The following CNGB1 variants were observed in gnomAD, a reference collection of about 807,000 sequenced individuals.
The protein encoded by CNGB1 is cyclic nucleotide-gated channel beta-1.
In CNGB1, 126 loss-of-function variants were observed where a neutral mutation model predicts 151.7. The ratio of observed to expected loss-of-function variants is 0.83; its 90% confidence interval spans 0.72 to 0.96. The LOEUF (loss-of-function observed/expected upper bound fraction) is 0.96. Ranked by LOEUF, CNGB1 falls within the 40% of genes least tolerant of loss-of-function variation. The pLI is 0.00. For synonymous variants in CNGB1, 623 were observed against 635.1 expected, an observed-to-expected ratio of 0.98 and a Z score of 0.29; for missense variants, 1,698 against 1,627.0, an observed-to-expected ratio of 1.04 and a Z score of -0.75.
chr16:57,965,814 T>C (rs567722813), intron 2 of CNGB1, among the ~76,000 whole-genome samples: 6 of 152,170 alleles, frequency 3.9e-5, no homozygotes, highest in African/African-American at 1.4e-4. Flanking sequence ...CATAAACATA[T>C]GTGCAAACAC....
chr16:57,960,673 C>G (rs1597013607), intron 8 of CNGB1, 143 bp from the exon 9 acceptor site: 2 of 1,297,204 alleles, frequency 1.5e-6, no homozygotes, highest in East Asian at 5.0e-5. Flanking sequence ...AATCCCGGCC[C>G]CCTCTCACAG....
intron 14 of CNGB1, among the ~76,000 whole-genome samples, chr16:57,941,348 T>C (rs1961662682): frequency 6.6e-6 from 1 of 152,152 alleles, no homozygotes; most frequent in African/African-American, 2.4e-5. Context: ...GAAACTTGAA[T>C]GCATCATTCT....
At chr16:57,895,563 A>G (rs1194061395) in intron 31 of CNGB1, among the ~76,000 whole-genome samples, 1 of 148,822 alleles carries the variant, frequency 6.7e-6, no homozygotes, top group Non-Finnish European at 1.5e-5. Flanking sequence ...ATATATATAT[A>G]TATATTTGTA....
chr16:57,919,209 G>C lies in CNGB1; in HGVS notation c.1847C>G (p.Ala616Gly). The change falls in exon 20 of 33, where the codon GCT (alanine) becomes GGT (glycine). Residue 616 changes from alanine to glycine, a missense_variant. Physicochemically the swap from Ala to Gly is moderately conservative, Grantham distance 60. Coordinates refer to ENST00000251102, the MANE Select transcript of CNGB1 (RefSeq NM_001297.5). The part of the protein sequence containing the change: ...APEPAPDTKP[A>G]EAEPVEEEHY... ...CTCCTCTTCCACTGGCTCGGCTTCAGCGGGCTTTGTGTCTGGAGCTGGCTC... is the reference window on the plus strand; with the variant it reads ...CTCCTCTTCCACTGGCTCGGCTTCACCGGGCTTTGTGTCTGGAGCTGGCTC... 1 of 1,614,244 alleles carries C rather than the reference G, an allele frequency of 6.2e-7. No homozygotes were observed. Among genetic ancestry groups the C allele is most frequent in the Non-Finnish European group, 8.5e-7 (1 of 1,180,048 alleles).
intron 29 of CNGB1, among the ~76,000 whole-genome samples, chr16:57,899,674 G>A (rs1385383048): frequency 6.6e-6 from 1 of 151,376 alleles, no homozygotes; most frequent in Non-Finnish European, 1.5e-5. Context: ...AAATAAATAA[G>A]GGGTGGGGGG....
chr16:57,902,069 G>T (rs1486139937), intron 27 of CNGB1, among the ~76,000 whole-genome samples: 1 of 148,428 alleles, frequency 6.7e-6, no homozygotes, highest in Admixed American at 6.6e-5. Flanking sequence ...TTATGTTTTT[G>T]TTGTTGTTGT....
At chr16:57,961,315 T>C (rs1962250474) in intron 7 of CNGB1, among the ~76,000 whole-genome samples, 1 of 152,224 alleles carries the variant, frequency 6.6e-6, no homozygotes, top group East Asian at 1.9e-4. Context: ...TACTCTGCTG[T>C]CACAGTCTGA....
intron 1 of CNGB1, among the ~76,000 whole-genome samples, chr16:57,968,927 A>G (rs915286655): frequency 5.3e-5 from 8 of 151,220 alleles, no homozygotes; most frequent in African/African-American, 1.9e-4. Context: ...GCTACTCAGG[A>G]GGCTGAGGCA....
intron 16 of CNGB1, among the ~76,000 whole-genome samples, chr16:57,933,477 G>A (rs1961413030): frequency 6.6e-6 from 1 of 151,990 alleles, no homozygotes; most frequent in Admixed American, 6.5e-5. Flanking sequence ...CCCTACCTTG[G>A]GCTCCATCAC....
chr16:57,944,951 TAAAAAAAAA>T (rs367717137), intron 14 of CNGB1, among the ~76,000 whole-genome samples: 2 of 104,380 alleles, frequency 1.9e-5, no homozygotes, highest in South Asian at 6.0e-4. Flanking sequence ...ACTCTGTCTT[TAAAAAAAAA>T]AAAAAAAAAA....
intron 17 of CNGB1, among the ~76,000 whole-genome samples, chr16:57,928,642 C>T (rs1961257947): frequency 1.3e-5 from 2 of 150,576 alleles, no homozygotes; most frequent in Admixed American, 1.3e-4. Context: ...TATCTATTAT[C>T]TTTTTTTTTT....
intron 12 of CNGB1, among the ~76,000 whole-genome samples, chr16:57,951,547 G>A (rs1961948496): frequency 6.6e-6 from 1 of 152,170 alleles, no homozygotes; most frequent in South Asian, 2.1e-4. Context: ...TTAAATGGAA[G>A]CCGGCCTCAA....
At chr16:57,923,121 T>C in intron 18 of CNGB1, 152 bp downstream of exon 18, 1 of 557,050 alleles carries the variant, frequency 1.8e-6, no homozygotes, top group Non-Finnish European at 3.2e-6. Flanking sequence ...AGAAGCAGCC[T>C]GGGCAGGCGA....
Position 57,931,740 on chromosome 16 carries a change from G to A in CNGB1, c.1511C>T (p.Pro504Leu). 6.2e-7 allele frequency: 1 copy of A among 1,614,158 alleles called. No homozygotes were observed. Among genetic ancestry groups the A allele is most frequent in the Non-Finnish European group, 8.5e-7 (1 of 1,180,034 alleles). The change falls in exon 17 of 33, where the codon CCA becomes CTA. Residue 504 changes from proline (P) to leucine (L), a missense_variant. Pro to Leu is a moderately conservative substitution (Grantham distance 98). Coordinates refer to ENST00000251102, the MANE Select transcript of CNGB1 (RefSeq NM_001297.5). Reference sequence around the variant, plus strand: ...CCTGTGTGTCCCCGAGGCTGAGCTTGGGACTATAAGGGTGTCTGATTTGGC... The same window carrying A: ...CCTGTGTGTCCCCGAGGCTGAGCTTAGGACTATAAGGGTGTCTGATTTGGC... ...SPAKSDTLIVPSSASGTHRKK... is the reference protein window; with the variant it reads ...SPAKSDTLIVLSSASGTHRKK...
In CNGB1 at chr16:57,884,183, C is replaced by G. The variant is rs750725220; in HGVS notation, c.3737G>C (p.Arg1246Thr). 5 of 1,614,058 alleles carry G rather than the reference C, an allele frequency of 3.1e-6. No individual in the cohort carries two copies. Among genetic ancestry groups the G allele is most frequent in the Middle Eastern group, 1.6e-4 (1 of 6,062 alleles). The part of the protein sequence containing the change: ...QILSVKMPEE[R>T]EEKAE ...CCCACCTTACTCCGCCTTCTCCTCCCTTTCCTCCGGCATCTTCACCGACAG... is the reference window on the plus strand; with the variant it reads ...CCCACCTTACTCCGCCTTCTCCTCCGTTTCCTCCGGCATCTTCACCGACAG... The change falls in exon 33 of 33, where the codon AGG (arginine) becomes ACG (threonine). Residue 1246 changes from arginine (R) to threonine (T), a missense_variant. Transcript: ENST00000251102.
In CNGB1 at chr16:57,919,170, A is replaced by G; in HGVS notation, c.1886T>C (p.Met629Thr). 1 of 1,614,214 alleles carries G rather than the reference A, an allele frequency of 6.2e-7. No individual in the cohort carries two copies. Among genetic ancestry groups the G allele is most frequent in the African/African-American group, 1.3e-5 (1 of 75,040 alleles). ...GCGGTGTTTGAACTTGCAGCAGAGC[A>G]TGTCGCAATAGTGCTCCTCTTCCAC... ...EPVEEEHYCD[M>T]LCCKFKHRPW... The change falls in exon 20 of 33, where the codon ATG becomes ACG. Residue 629 changes from methionine (M) to threonine (T), a missense_variant. Transcript: ENST00000251102.
Position 57,954,957 on chromosome 16 carries a change from C to T in CNGB1, c.874+2384G>A, listed in dbSNP as rs1376819949. On this transcript the variant is annotated intron_variant, in intron 12 of 32. Transcript: ENST00000251102. Reference sequence around the variant, plus strand: ...AGAGACAGGGTCTCACTGTGTTGCCCACGGTGGTCTCGAACTTCGGGGCTC... The same window carrying T: ...AGAGACAGGGTCTCACTGTGTTGCCTACGGTGGTCTCGAACTTCGGGGCTC... The T allele has an allele frequency of 3.7e-6, 4 of 1,093,774 alleles. No homozygotes were observed. The African/African-American group carries it at 4.9e-5, about 13-fold the overall frequency. The allele number at this position is 1,093,774 out of a possible 1,614,324, so 67.8% of individuals were successfully genotyped here.
chr16:57,884,046 T>G lies in CNGB1; in HGVS notation c.*118A>C. ...GAGCTGCAGCCACTGAGGTCACGAC[T>G]ACGGAAAAGCATCTTCTCTTGAGCC... On this transcript the variant is annotated 3_prime_UTR_variant, in exon 33 of 33. Coordinates refer to ENST00000251102, the MANE Select transcript of CNGB1 (RefSeq NM_001297.5). 1 of 1,480,952 alleles carries G rather than the reference T, an allele frequency of 6.8e-7. No individual in the cohort carries two copies. The highest frequency in any genetic ancestry group is 9.4e-7 in the Non-Finnish European group (1 of 1,063,248). 91.7% of individuals were successfully genotyped at this position (1,480,952 alleles called of 1,614,324 possible). A position where few individuals can be genotyped will look rare whatever the true frequency, so the allele number is the denominator to read the frequency against.
chr16:57,892,581 G>C (rs1281699209), intron 31 of CNGB1, among the ~76,000 whole-genome samples: 1 of 152,098 alleles, frequency 6.6e-6, no homozygotes, highest in African/African-American at 2.4e-5. Flanking sequence ...GGGCTCCTGT[G>C]AAAACCTAAG....
Sources: gnomAD v4.1 joint callset for allele counts (sites outside exome capture counted in the v4.1 genomes callset) on GRCh38, gnomAD v4.1.1 for gene constraint, MANE v1.5 for transcripts, NCBI Gene and HGNC (gene_info 2026-07-23, HGNC 2026-07-21) for gene names.